Variants in IVNS1ABP observed in about 807,000 individuals in gnomAD.
IVNS1ABP encodes influenza virus NS1A-binding protein.
A neutral mutation model predicts 78.9 loss-of-function variants in IVNS1ABP; 25 were observed. That is an observed-to-expected ratio of 0.32 (90% CI 0.23 to 0.44). IVNS1ABP has a LOEUF of 0.44. Ranked by LOEUF, IVNS1ABP falls within the 20% of genes least tolerant of loss-of-function variation. The probability of loss-of-function intolerance (pLI) is 1.00; values close to 1 mark genes in which losing one functional copy is unlikely to be tolerated. For synonymous variants in IVNS1ABP, 241 were observed against 259.7 expected (o/e 0.93, Z 0.69); for missense variants, 494 against 768.9 (o/e 0.64, Z 4.23).
chr1:185,311,267 C>CA lies in IVNS1ABP; in HGVS notation c.-192dup. 2.5e-6 allele frequency: 1 copy of CA among 397,840 alleles called. No individual in the cohort carries two copies. Among genetic ancestry groups the CA allele is most frequent in the Non-Finnish European group, 4.4e-6 (1 of 225,548 alleles). The allele number at this position is 397,840 out of a possible 1,614,324, so 24.6% of individuals were successfully genotyped here. On this transcript the variant is annotated 5_prime_UTR_variant, in exon 2 of 15. Transcript: ENST00000367498. ...CTATCAGGCTTGAAAATGATGTAAT[C>CA]AAGTCCTTAAAAGCTATAGACACGA...
At position 185,300,046 on chromosome 1, in the gene IVNS1ABP, A is replaced by C. The variant is rs1665530296; in HGVS notation, c.1454T>G (p.Phe485Cys). The change falls in exon 13 of 15, where the codon TTT becomes TGT. Residue 485 changes from phenylalanine to cysteine, a missense_variant. Coordinates refer to ENST00000367498, the MANE Select transcript of IVNS1ABP (RefSeq NM_006469.5). ...TGTCCACAACTTTGTTACAGGATCA[A>C]ATACATCACAATTTTTCAGTCCTTT... ...GQKGLKNCDV[F>C]DPVTKLWTSC... is the part of the protein sequence containing the mutation. 4 of 1,613,574 alleles carry C rather than the reference A, an allele frequency of 2.5e-6. No homozygotes were observed. Among genetic ancestry groups the C allele is most frequent in the Non-Finnish European group, 3.4e-6 (4 of 1,179,744 alleles).
Position 185,305,481 on chromosome 1 carries a change from C to G in IVNS1ABP, c.765+55G>C. On this transcript the variant is annotated intron_variant, in intron 8 of 14. Transcript: ENST00000367498. This position sits in a 1 kb window ranked among gnomAD's most constrained non-coding sequence, Gnocchi z 4.0. ...TTAAAGGAAAATTTAAGTATGCTAT[C>G]AAATTCTCTAGTCAAATTTTAACCT... The G allele has an allele frequency of 1.3e-6, 2 of 1,596,302 alleles. No individual in the cohort carries two copies. Among genetic ancestry groups the G allele is most frequent in the Non-Finnish European group, 1.7e-6 (2 of 1,168,932 alleles).
At chr1:185,310,112 T>A (rs1376196645) in intron 2 of IVNS1ABP, among the ~76,000 whole-genome samples, 2 of 152,220 alleles carry the variant, frequency 1.3e-5, no homozygotes, top group Non-Finnish European at 2.9e-5. Flanking sequence ...TGTCACTGTA[T>A]CTACGAAATT....
chr1:185,309,282 T>C (rs17566612), intron 3 of IVNS1ABP, 101 bp downstream of exon 3: 19,319 of 1,221,242 alleles, frequency 0.016, 204 homozygotes, highest in Middle Eastern at 0.047. Context: ...TTTTAAAAAA[T>C]CATTTCATTA....
At chr1:185,313,842 G>C (rs1665947133) in intron 1 of IVNS1ABP, among the ~76,000 whole-genome samples, 1 of 152,146 alleles carries the variant, frequency 6.6e-6, no homozygotes, top group East Asian at 1.9e-4. Flanking sequence ...AATATATTCA[G>C]ATAAATTCAG....
intron 1 of IVNS1ABP, among the ~76,000 whole-genome samples, chr1:185,311,596 C>T (rs1282159822): frequency 6.6e-6 from 1 of 150,734 alleles, no homozygotes; most frequent in Non-Finnish European, 1.5e-5. Context: ...GGTATAAAAG[C>T]ACAAGACTAC....
At chr1:185,310,948 A>T (rs1352383527) in intron 2 of IVNS1ABP, 147 bp downstream of exon 2, 1 of 190,168 alleles carries the variant, frequency 5.3e-6, no homozygotes, top group Non-Finnish European at 1.1e-5. Flanking sequence ...AAATATAGAA[A>T]AGAAAAATAT....
chr1:185,312,457 A>G (rs1665912986), intron 1 of IVNS1ABP, among the ~76,000 whole-genome samples: 2 of 152,188 alleles, frequency 1.3e-5, no homozygotes, highest in East Asian at 3.8e-4. Context: ...TAAATCTAAC[A>G]ATTACGTCAA....
chr1:185,300,228 C>T lies in IVNS1ABP; in HGVS notation c.1358G>A (p.Arg453His), dbSNP rs750341952. The T allele has an allele frequency of 7.4e-6, 12 of 1,613,046 alleles. No individual in the cohort carries two copies. The highest frequency in any genetic ancestry group is 2.2e-5 in the South Asian group (2 of 91,070). The part of the protein sequence containing the change: ...WIPVPELRTN[R>H]CNAGVCALNG... ...AAAACTATTATTACCTGCATTACAACGGTTAGTTCTCAATTCTGGAACAGG... is the reference window on the plus strand; with the variant it reads ...AAAACTATTATTACCTGCATTACAATGGTTAGTTCTCAATTCTGGAACAGG... Residue 453 changes from arginine to histidine, a missense_variant, in exon 12 of 15, where the codon CGT becomes CAT. Coordinates refer to ENST00000367498, the MANE Select transcript of IVNS1ABP (RefSeq NM_006469.5).
At chr1:185,301,306 T>A in intron 9 of IVNS1ABP, 110 bp from the exon 10 acceptor site, 1 of 1,429,786 alleles carries the variant, frequency 7.0e-7, no homozygotes, top group Non-Finnish European at 9.7e-7. Flanking sequence ...CAATCTGCTC[T>A]CGTTTTCCAA....
rs1480292300 is a variant in IVNS1ABP, at chr1:185,298,013, G to C, written c.*22C>G. 6.2e-7 allele frequency: 1 copy of C among 1,609,364 alleles called. No individual in the cohort carries two copies. Among genetic ancestry groups the C allele is most frequent in the South Asian group, 1.1e-5 (1 of 90,708 alleles). ...CATAATTACATCACTAAGCCTGTTA[G>C]TTTGAGAGGGTCTTAAATTTGTTAA... is the stretch of plus-strand genomic sequence containing the variant. On this transcript the variant is annotated 3_prime_UTR_variant, in exon 15 of 15. Coordinates refer to ENST00000367498, the MANE Select transcript of IVNS1ABP (RefSeq NM_006469.5). This position sits in a 1 kb window ranked among gnomAD's most constrained non-coding sequence, Gnocchi z 4.1.
In IVNS1ABP at chr1:185,296,662, A is replaced by G. The variant is rs975783121; in HGVS notation, c.*1373T>C. ...ACCTAATTATTTTCTTCCTAACCCA[A>G]GTTAGCCACTGAATAGTCATCTCAG... On this transcript the variant is annotated 3_prime_UTR_variant, in exon 15 of 15. Transcript: ENST00000367498. 2 of 152,096 alleles carry G rather than the reference A, an allele frequency of 1.3e-5. No individual in the cohort carries two copies. The highest frequency in any genetic ancestry group is 4.8e-5 in the African/African-American group (2 of 41,418). The allele number at this position is 152,096 out of a possible 1,614,324, so 9.4% of individuals were successfully genotyped here. A position where few individuals can be genotyped will look rare whatever the true frequency, so the allele number is the denominator to read the frequency against.
At position 185,305,928 on chromosome 1, in the gene IVNS1ABP, T is replaced by A. The variant is rs529155598; in HGVS notation, c.658-285A>T. 3.1e-4 allele frequency: 108 copies of A among 350,748 alleles called. No homozygotes were observed. The highest frequency in any genetic ancestry group is 2.0e-3 in the African/African-American group (97 of 48,000). 21.7% of individuals were successfully genotyped at this position (350,748 alleles called of 1,614,324 possible). Reference sequence around the variant, plus strand: ...ATCTTCATTTTTTTCATAGCTTCTATCATATAACAGTAAGAAAAAAAGCAC... The same window carrying A: ...ATCTTCATTTTTTTCATAGCTTCTAACATATAACAGTAAGAAAAAAAGCAC... On this transcript the variant is annotated intron_variant, in intron 7 of 14. Transcript: ENST00000367498. The surrounding 1 kb of genome is among the most constrained non-coding windows in gnomAD (Gnocchi z 4.0).
intron 13 of IVNS1ABP, 26 bp downstream of exon 13, chr1:185,299,968 TAAAAA>T (rs746820365): frequency 1.3e-6 from 1 of 750,152 alleles, no homozygotes; most frequent in Non-Finnish European, 1.9e-6. Flanking sequence ...TGAAGGTCTT[TAAAAA>T]AAAAAAGGAA....
chr1:185,299,764 A>C lies in IVNS1ABP; in HGVS notation c.1621T>G (p.Leu541Val). Residue 541 changes from leucine to valine, a missense_variant, in exon 14 of 15, where the codon TTA becomes GTA. Coordinates refer to ENST00000367498, the MANE Select transcript of IVNS1ABP (RefSeq NM_006469.5). ...RYNPENNTWT[L>V]IAPMNVARRG... ...CTAGCCACATTCATGGGTGCAATTA[A>C]AGTCCAGGTATTATTTTCAGGATTG... is the stretch of plus-strand genomic sequence containing the variant. 1 of 1,613,722 alleles carries C rather than the reference A, an allele frequency of 6.2e-7. No homozygotes were observed. The highest frequency in any genetic ancestry group is 8.5e-7 in the Non-Finnish European group (1 of 1,179,798).
At position 185,305,442 on chromosome 1, in the gene IVNS1ABP, T is replaced by C; in HGVS notation, c.765+94A>G. ...TGTCCAGTTATACCAATGAAATTGG[T>C]CCACTTTCCTTTATTAAAGGAAAAT... On this transcript the variant is annotated intron_variant, in intron 8 of 14. Transcript: ENST00000367498. The surrounding 1 kb of genome is among the most constrained non-coding windows in gnomAD (Gnocchi z 4.0). 7.3e-7 allele frequency: 1 copy of C among 1,375,900 alleles called. No individual in the cohort carries two copies. Among genetic ancestry groups the C allele is most frequent in the Non-Finnish European group, 1.0e-6 (1 of 998,294 alleles). The allele number at this position is 1,375,900 out of a possible 1,614,324, so 85.2% of individuals were successfully genotyped here.
intron 1 of IVNS1ABP, among the ~76,000 whole-genome samples, chr1:185,316,002 T>C (rs1025815124): frequency 6.6e-6 from 1 of 152,140 alleles, no homozygotes; most frequent in Non-Finnish European, 1.5e-5. Context: ...CCACTACCTA[T>C]TGGGGGAAAA....
rs74132213 is a variant in IVNS1ABP at position 185,298,098 on chromosome 1, C to T, written c.1866G>A (p.Thr622=). The T allele has an allele frequency of 3.8e-4, 616 of 1,613,626 alleles. 3 individuals carry two copies. The African/African-American group carries it at 6.3e-3, about 17-fold the overall frequency. Residue 622 remains threonine (T), a synonymous_variant, in exon 15 of 15, where the codon ACG becomes ACA. Coordinates refer to ENST00000367498, the MANE Select transcript of IVNS1ABP (RefSeq NM_006469.5). The surrounding 1 kb of genome is among the most constrained non-coding windows in gnomAD (Gnocchi z 4.1). ...TTGACTCAAGGTTATAGACTTCCAC[C>T]GTATTCAGAAATTCATTGCCATCGA... ...GGFDGNEFLN[T]VEVYNLESNE...
rs1001156305 is a variant in IVNS1ABP, at chr1:185,301,191, T to C, written c.901A>G (p.Thr301Ala). 1 of 1,612,146 alleles carries C rather than the reference T, an allele frequency of 6.2e-7. No homozygotes were observed. Among genetic ancestry groups the C allele is most frequent in the Non-Finnish European group, 8.5e-7 (1 of 1,178,686 alleles). Reference sequence around the variant, plus strand: ...TCCAGCACAGCCAGGCACAAGTAAGTGTTATCTGTAAGCACAAGAGTTCCA... The same window carrying C: ...TCCAGCACAGCCAGGCACAAGTAAGCGTTATCTGTAAGCACAAGAGTTCCA... ...IVASEKTSNNTYLCLAVLDGI... is the reference protein window; with the variant it reads ...IVASEKTSNNAYLCLAVLDGI... Residue 301 changes from threonine to alanine, a missense_variant, in exon 10 of 15, where the codon ACT (threonine) becomes GCT (alanine). Thr to Ala is a moderately conservative substitution (Grantham distance 58). Coordinates refer to ENST00000367498, the MANE Select transcript of IVNS1ABP (RefSeq NM_006469.5).
Sources: gnomAD v4.1 joint callset for allele counts (sites outside exome capture counted in the v4.1 genomes callset) on GRCh38, gnomAD v4.1.1 for gene constraint, Gnocchi (gnomAD v3.1) non-coding constraint, MANE v1.5 for transcripts, NCBI Gene and HGNC (gene_info 2026-07-23, HGNC 2026-07-21) for gene names.